The following DPP3 variants were observed in gnomAD, a reference collection of about 807,000 sequenced individuals.
DPP3 encodes the protein dipeptidyl peptidase 3.
Under a neutral mutation model 89.8 loss-of-function variants are expected in DPP3, and 64 were observed. The observed-to-expected ratio is 0.71, with a 90% CI of 0.58 to 0.88. The LOEUF (loss-of-function observed/expected upper bound fraction) is 0.88, where lower values mean the gene tolerates loss of function less well. Ranked by LOEUF, DPP3 falls within the 40% of genes least tolerant of loss-of-function variation. DPP3 has a pLI of 0.00. For missense variants in DPP3, 835 were observed against 972.5 expected, an observed-to-expected ratio of 0.86 and a Z score of 1.88; for synonymous variants, 377 against 404.3, an observed-to-expected ratio of 0.93 and a Z score of 0.81.
intron 15 of DPP3, among the ~76,000 whole-genome samples, chr11:66,496,023 ACAC>A (rs1378426538): frequency 6.6e-6 from 1 of 152,148 alleles, no homozygotes; most frequent in Non-Finnish European, 1.5e-5. Flanking sequence ...TCTCTGCCAC[ACAC>A]AATTCTAAAC....
chr11:66,485,914 TTTCTTTTC>T (rs1855213298), intron 3 of DPP3, among the ~76,000 whole-genome samples: 1 of 23,450 alleles, frequency 4.3e-5, no homozygotes, highest in Non-Finnish European at 8.9e-5. Context: ...CCAGCTAAAT[TTTCTTTTC>T]TTTTCTTTTC....
rs138148335 is a variant in DPP3, at chr11:66,486,540, G to A, written c.361G>A (p.Glu121Lys). Residue 121 changes from glutamate (E) to lysine (K), a missense_variant and splice_region_variant, in exon 4 of 18, where the codon GAA becomes AAA. Glu to Lys is a moderately conservative substitution (Grantham distance 56). Coordinates refer to ENST00000531863, the MANE Select transcript of DPP3 (RefSeq NM_130443.4). ...DTKFVPNLPK[E>K]KLERVILGSE... ...GCCATTGGCCTCCCTTTCCTTGCAGGAAAAGCTGGAACGGGTGATCCTAGG... is the reference window on the plus strand; with the variant it reads ...GCCATTGGCCTCCCTTTCCTTGCAGAAAAAGCTGGAACGGGTGATCCTAGG... The A allele has an allele frequency of 9.3e-6, 14 of 1,504,652 alleles. No individual in the cohort carries two copies. The highest frequency in any genetic ancestry group is 1.2e-5 in the Non-Finnish European group (13 of 1,124,316). The allele number at this position is 1,504,652 out of a possible 1,614,324, so 93.2% of individuals were successfully genotyped here.
intron 16 of DPP3, among the ~76,000 whole-genome samples, chr11:66,503,205 G>C (rs1473840378): frequency 6.6e-6 from 1 of 151,886 alleles, no homozygotes; most frequent in Non-Finnish European, 1.5e-5. Context: ...GACCTCAGGT[G>C]ATCCGCCTGC....
intron 16 of DPP3, among the ~76,000 whole-genome samples, chr11:66,501,730 C>T (rs1050026912): frequency 6.7e-6 from 1 of 149,614 alleles, no homozygotes; most frequent in Non-Finnish European, 1.5e-5. Flanking sequence ...GAGGCTGAGG[C>T]AGGAGGATCA....
intron 16 of DPP3, among the ~76,000 whole-genome samples, chr11:66,501,979 TG>T (rs954072378): frequency 6.6e-6 from 1 of 151,926 alleles, no homozygotes; most frequent in Non-Finnish European, 1.5e-5. Context: ...GGGCAGATCA[TG>T]AGGTCAAACG....
Position 66,504,689 on chromosome 11 carries a change from C to T in DPP3, c.1956C>T (p.Pro652=), listed in dbSNP as rs763441968. ...EGYATVTDAP[P]ECFLTLRDTV... ...ATGCAACAGTCACTGATGCGCCCCC[C>T]GAGTGCTTCCTCACCCTCAGGGACA... The change falls in exon 17 of 18, where the codon CCC becomes CCT. Residue 652 remains proline (P), a synonymous_variant. Coordinates refer to ENST00000531863, the MANE Select transcript of DPP3 (RefSeq NM_130443.4). The T allele has an allele frequency of 8.1e-6, 13 of 1,613,256 alleles. No homozygotes were observed. The highest frequency in any genetic ancestry group is 6.6e-5 in the South Asian group (6 of 91,030).
At chr11:66,492,620 C>T (rs1855420986) in intron 9 of DPP3, 96 bp from the exon 10 acceptor site, 3 of 1,400,040 alleles carry the variant, frequency 2.1e-6, no homozygotes, top group East Asian at 4.7e-5. Context: ...TGACTGCATA[C>T]AGTAGGCATT....
Position 66,495,767 on chromosome 11 carries a change from G to A in DPP3, c.1698+17G>A. 1 of 1,591,886 alleles carries A rather than the reference G, an allele frequency of 6.3e-7. No homozygotes were observed. The highest frequency in any genetic ancestry group is 8.5e-7 in the Non-Finnish European group (1 of 1,169,826). On this transcript the variant is annotated intron_variant, in intron 15 of 17. Coordinates refer to ENST00000531863, the MANE Select transcript of DPP3 (RefSeq NM_130443.4). The stretch of plus-strand genomic sequence containing the variant: ...TGGCGACAGGTAGGGCCTAGGTGGA[G>A]CCCCCTGGAGGCGGAAGGGAGCCTG...
rs200519213 is a variant in DPP3 at position 66,495,343 on chromosome 11, G to A, written c.1453-22G>A. ...GTGGGGCAGTGGCCACCTTAAGCCC[G>A]ACAGTGGAGCTCCTTTTCCAGATTC... On this transcript the variant is annotated intron_variant, in intron 13 of 17. Coordinates refer to ENST00000531863, the MANE Select transcript of DPP3 (RefSeq NM_130443.4). The A allele has an allele frequency of 5.3e-5, 85 of 1,613,550 alleles. No individual in the cohort carries two copies. In the Admixed American group the frequency reaches 1.1e-3, roughly 21 times the overall value.
intron 17 of DPP3, 28 bp downstream of exon 17, chr11:66,504,802 G>A: frequency 6.3e-7 from 1 of 1,595,706 alleles, no homozygotes; most frequent in Non-Finnish European, 8.5e-7. Flanking sequence ...GAGCTCTTGA[G>A]CTCCCTTGAT....
rs115406203 is a variant in DPP3, at chr11:66,488,103, A to G, written c.667+96A>G. 3,533 of 1,046,648 alleles carry G rather than the reference A, an allele frequency of 3.4e-3. 98 individuals carry two copies. In the African/African-American group the frequency reaches 0.051, roughly 15 times the overall value. The allele number at this position is 1,046,648 out of a possible 1,614,324, so 64.8% of individuals were successfully genotyped here. On this transcript the variant is annotated intron_variant, in intron 6 of 17. Transcript: ENST00000531863. ...CCAACTCTGCCACTCCTTCAGAAAG[A>G]GCATCCTTCTCTCCCAGGATTTTCT...
chr11:66,496,632 T>C (rs1855547104), intron 15 of DPP3, among the ~76,000 whole-genome samples: 1 of 152,146 alleles, frequency 6.6e-6, no homozygotes, highest in African/African-American at 2.4e-5. Context: ...GCCAGGATGG[T>C]CTCGATCTCC....
chr11:66,504,469 C>G (rs2134752130), intron 16 of DPP3, 143 bp from the exon 17 acceptor site: 1 of 889,710 alleles, frequency 1.1e-6, no homozygotes, highest in South Asian at 3.0e-5. Context: ...CCATAAGTTT[C>G]AACACCAGAA....
At chr11:66,492,669 G>A in intron 9 of DPP3, 47 bp from the exon 10 acceptor site, 1 of 1,528,534 alleles carries the variant, frequency 6.5e-7, no homozygotes, top group Non-Finnish European at 8.8e-7. Context: ...TGAAGTGGGA[G>A]CCCTCCTGGA....
At chr11:66,486,806 C>A in intron 4 of DPP3, 129 bp downstream of exon 4, 1 of 1,169,416 alleles carries the variant, frequency 8.6e-7, no homozygotes. Flanking sequence ...CAATGCTGCT[C>A]CCCACTGCAG....
At position 66,495,633 on chromosome 11, in the gene DPP3, C is replaced by T; in HGVS notation, c.1581C>T (p.Ile527=). The T allele has an allele frequency of 6.2e-7, 1 of 1,614,148 alleles. No homozygotes were observed. The highest frequency in any genetic ancestry group is 8.5e-7 in the Non-Finnish European group (1 of 1,180,018). The change falls in exon 15 of 18, where the codon ATC becomes ATT. Residue 527 remains isoleucine, a synonymous_variant. Transcript: ENST00000531863. ...YLCLHPQVLE[I]FGFEGADAED... ...CACCTGCCTGCCCCTCTCACAGGAT[C>T]TTTGGCTTTGAGGGGGCTGATGCGG... is the stretch of plus-strand genomic sequence containing the variant.
At chr11:66,490,314 C>T (rs142526593) in intron 6 of DPP3, among the ~76,000 whole-genome samples, 96 of 152,162 alleles carry the variant, frequency 6.3e-4, no homozygotes, top group African/African-American at 1.8e-3. Flanking sequence ...AACAAATTAC[C>T]ACAAATTTAC....
Position 66,495,657 on chromosome 11 carries a change from G to T in DPP3, c.1605G>T (p.Ala535=). The T allele has an allele frequency of 6.2e-7, 1 of 1,614,134 alleles. No individual in the cohort carries two copies. Among genetic ancestry groups the T allele is most frequent in the East Asian group, 2.2e-5 (1 of 44,876 alleles). ...TCTTTGGCTTTGAGGGGGCTGATGC[G>T]GAGGACGTGATCTACGTGAACTGGC... ...LEIFGFEGAD[A]EDVIYVNWLN... Residue 535 remains alanine, a synonymous_variant, in exon 15 of 18, where the codon GCG becomes GCT. Coordinates refer to ENST00000531863, the MANE Select transcript of DPP3 (RefSeq NM_130443.4).
chr11:66,491,509 A>G lies in DPP3; in HGVS notation c.814A>G (p.Ser272Gly). 3 of 1,609,804 alleles carry G rather than the reference A, an allele frequency of 1.9e-6. No individual in the cohort carries two copies. Among genetic ancestry groups the G allele is most frequent in the Non-Finnish European group, 2.5e-6 (3 of 1,177,304 alleles). ...CTCACCTCAGGCCTATGCAGCCAAC[A>G]GCCACCAGGGGCAGATGCTGGCCCA... ...LEKAKAYAAN[S>G]HQGQMLAQYI... is the part of the protein sequence containing the mutation. The change falls in exon 8 of 18, where the codon AGC (serine) becomes GGC (glycine). Residue 272 changes from serine to glycine, a missense_variant. Physicochemically the swap from Ser to Gly is moderately conservative, Grantham distance 56 (BLOSUM62 0). Coordinates refer to ENST00000531863, the MANE Select transcript of DPP3 (RefSeq NM_130443.4).
Sources: gnomAD v4.1 joint callset for allele counts (sites outside exome capture counted in the v4.1 genomes callset) on GRCh38, gnomAD v4.1.1 for gene constraint, MANE v1.5 for transcripts, NCBI Gene and HGNC (gene_info 2026-07-23, HGNC 2026-07-21) for gene names.